The following ANKHD1 variants were observed in gnomAD, a reference collection of about 807,000 sequenced individuals.
ANKHD1 encodes ankyrin repeat and KH domain-containing protein 1.
In ANKHD1, 31 loss-of-function variants were observed where a neutral mutation model predicts 230.5. The observed-to-expected ratio is 0.13, with a 90% CI of 0.10 to 0.18. ANKHD1 has a LOEUF of 0.18. Among genes scored for constraint, ANKHD1 ranks in the 10% least tolerant of loss-of-function variants. The pLI is 1.00. For missense variants in ANKHD1, 2,256 were observed against 3,071.3 expected (o/e 0.73, Z 6.27); for synonymous variants, 1,074 against 1,117.6 (o/e 0.96, Z 0.78).
At position 140,436,265 on chromosome 5, in the gene ANKHD1, A is replaced by G. The variant is rs750598339; in HGVS notation, c.460+8A>G. 1 of 1,538,092 alleles carries G rather than the reference A, an allele frequency of 6.5e-7. No homozygotes were observed. Among genetic ancestry groups the G allele is most frequent in the Non-Finnish European group, 8.7e-7 (1 of 1,146,408 alleles). On this transcript the variant is annotated splice_region_variant and intron_variant, in intron 2 of 33. Transcript: ENST00000360839. Reference sequence around the variant, plus strand: ...CATTGCTAGAAGCAGCAGGTACTTTATTTTTTGTTTTATCTTTTTCATATC... The same window carrying G: ...CATTGCTAGAAGCAGCAGGTACTTTGTTTTTTGTTTTATCTTTTTCATATC...
At position 140,528,169 on chromosome 5, in the gene ANKHD1, T is replaced by C. The variant is rs577603248; in HGVS notation, c.5238-15T>C. The C allele has an allele frequency of 6.4e-7, 1 of 1,559,232 alleles. No individual in the cohort carries two copies. The highest frequency in any genetic ancestry group is 2.2e-5 in the Admixed American group (1 of 46,342). ...AATGTTTTTGGTCTTGTTTCTGTTTTTTTTTTTCCCTTAGGGGTGGCACAG... is the reference window on the plus strand; with the variant it reads ...AATGTTTTTGGTCTTGTTTCTGTTTCTTTTTTTCCCTTAGGGGTGGCACAG... On this transcript the variant is annotated splice_polypyrimidine_tract_variant and intron_variant, in intron 28 of 33. Transcript: ENST00000360839.
chr5:140,513,269 G>C, intron 23 of ANKHD1, 94 bp from the exon 24 acceptor site: 1 of 1,279,438 alleles, frequency 7.8e-7, no homozygotes, highest in South Asian at 1.6e-5. Context: ...TTTTCAGTTT[G>C]AACTTTAACC....
chr5:140,441,096 A>C lies in ANKHD1; in HGVS notation c.867A>C (p.Lys289Asn), dbSNP rs752158402. 4.3e-6 allele frequency: 7 copies of C among 1,609,978 alleles called. No homozygotes were observed. In the African/African-American group the frequency reaches 9.4e-5, roughly 22 times the overall value. Residue 289 changes from lysine to asparagine, a missense_variant, in exon 5 of 34, where the codon AAA (lysine) becomes AAC (asparagine). Lys to Asn is a moderately conservative substitution (Grantham distance 94, BLOSUM62 0). Around this residue, in one of 13 missense-constraint regions of ANKHD1, gnomAD observed 206 missense variants for 304.5 expected, o/e 0.68. Transcript: ENST00000360839. ...GTGGAGGTTACTTAGATATTGTGAA[A>C]TTATTACTTCTTCATGATGCTGATG... Reference protein sequence around the residue: ...ASSGGYLDIVKLLLLHDADVN... With the variant: ...ASSGGYLDIVNLLLLHDADVN...
chr5:140,438,654 C>T (rs1773627931), intron 3 of ANKHD1, 37 bp downstream of exon 3: 1 of 1,495,382 alleles, frequency 6.7e-7, no homozygotes, highest in African/African-American at 1.4e-5. Flanking sequence ...TAGACATTTT[C>T]TTGAATAGAT....
At chr5:140,404,657 A>G (rs1770269179) in intron 1 of ANKHD1, among the ~76,000 whole-genome samples, 1 of 147,566 alleles carries the variant, frequency 6.8e-6, no homozygotes, top group Non-Finnish European at 1.5e-5. Flanking sequence ...TGGGTCTCAA[A>G]CTCCTGACCT....
intron 22 of ANKHD1, among the ~76,000 whole-genome samples, chr5:140,511,177 G>A (rs1355722073): frequency 1.3e-5 from 2 of 152,070 alleles, no homozygotes; most frequent in East Asian, 1.9e-4. Flanking sequence ...CTTATCTGCT[G>A]TATTTTTAAA....
intron 10 of ANKHD1, among the ~76,000 whole-genome samples, chr5:140,475,579 AAG>A (rs1491279577): frequency 4.6e-4 from 70 of 152,304 alleles, no homozygotes; most frequent in African/African-American, 1.6e-3. Context: ...AACTAAAAAA[AAG>A]GGGGGAAAAA....
intron 10 of ANKHD1, among the ~76,000 whole-genome samples, chr5:140,466,690 A>C (rs1198203826): frequency 6.6e-6 from 1 of 152,234 alleles, no homozygotes. Context: ...TCACGCATGT[A>C]ATCCCAGCAC....
At chr5:140,455,378 T>A (rs971648452) in intron 7 of ANKHD1, among the ~76,000 whole-genome samples, 3 of 152,084 alleles carry the variant, frequency 2.0e-5, no homozygotes, top group African/African-American at 7.2e-5. Flanking sequence ...GCCAGCATCA[T>A]CCTAATACCA....
At chr5:140,539,151 T>C (rs1251220672) in intron 33 of ANKHD1, 68 bp downstream of exon 33, 1 of 1,541,858 alleles carries the variant, frequency 6.5e-7, no homozygotes, top group East Asian at 2.3e-5. Context: ...TTGTGAGAAG[T>C]ATAAGTACTG....
At chr5:140,503,561 T>C (rs1442041639) in intron 15 of ANKHD1, among the ~76,000 whole-genome samples, 7 of 73,060 alleles carry the variant, frequency 9.6e-5, no homozygotes, top group African/African-American at 2.7e-4. Context: ...TTCTTTTTTT[T>C]TTTTTTTTTT....
chr5:140,458,732 T>C lies in ANKHD1; in HGVS notation c.1350T>C (p.His450=). 6.2e-7 allele frequency: 1 copy of C among 1,613,294 alleles called. No individual in the cohort carries two copies. Among genetic ancestry groups the C allele is most frequent in the East Asian group, 2.2e-5 (1 of 44,802 alleles). The change falls in exon 8 of 34, where the codon CAT becomes CAC. Residue 450 remains histidine, a synonymous_variant. Transcript: ENST00000360839. ...TGACGCTAGCTGCCTGTGGAGGACA[T>C]GTTGAATTGGCAGCTCTACTTATTG... The part of the protein sequence containing the change: ...SPLTLAACGG[H]VELAALLIER...
chr5:140,523,745 G>A (rs1561828931), intron 24 of ANKHD1, among the ~76,000 whole-genome samples: 1 of 151,974 alleles, frequency 6.6e-6, no homozygotes, highest in Admixed American at 6.6e-5. Context: ...ATTTTTAGTA[G>A]AGATGAGGTT....
intron 11 of ANKHD1, among the ~76,000 whole-genome samples, chr5:140,483,134 C>T (rs1751358295): frequency 6.6e-6 from 1 of 152,070 alleles, no homozygotes; most frequent in Non-Finnish European, 1.5e-5. Context: ...GAAATTTCAA[C>T]TGGTGAATGA....
intron 3 of ANKHD1, among the ~76,000 whole-genome samples, chr5:140,439,631 C>T (rs1401898087): frequency 6.6e-6 from 1 of 152,052 alleles, no homozygotes; most frequent in African/African-American, 2.4e-5. Context: ...GATTGTGCCA[C>T]TGCATTCCAG....
chr5:140,416,354 A>T (rs1771390957), intron 1 of ANKHD1, among the ~76,000 whole-genome samples: 1 of 152,224 alleles, frequency 6.6e-6, no homozygotes, highest in South Asian at 2.1e-4. Flanking sequence ...ATCCTTGAGG[A>T]ATCGCCAAGT....
At chr5:140,483,911 A>G (rs1362737608) in intron 11 of ANKHD1, among the ~76,000 whole-genome samples, 1 of 152,216 alleles carries the variant, frequency 6.6e-6, no homozygotes, top group Non-Finnish European at 1.5e-5. Flanking sequence ...AAATAAATAG[A>G]TGGATAAACT....
chr5:140,533,071 T>G (rs1236293012), intron 29 of ANKHD1, among the ~76,000 whole-genome samples: 1 of 150,348 alleles, frequency 6.7e-6, no homozygotes, highest in Non-Finnish European at 1.5e-5. Flanking sequence ...ATACTCAGCC[T>G]GGGTAATAGA....
chr5:140,418,144 C>CTTTTT (rs147753786), intron 1 of ANKHD1, among the ~76,000 whole-genome samples: 1 of 126,414 alleles, frequency 7.9e-6, no homozygotes, highest in African/African-American at 3.0e-5. Context: ...GTCCAGCCTT[C>CTTTTT]TTTTTTTTTT....
Sources: allele counts gnomAD v4.1 joint callset (sites outside exome capture counted in the v4.1 genomes callset), GRCh38; gene constraint gnomAD v4.1.1; regional missense constraint gnomAD v4.1.1; transcripts MANE v1.5; gene names NCBI Gene and HGNC (gene_info 2026-07-23, HGNC 2026-07-21).